GLS: variants seen among roughly 807,000 people sequenced by gnomAD.
GLS encodes glutaminase.
In GLS, 36 loss-of-function variants were observed where a neutral mutation model predicts 86.7. The observed-to-expected ratio is 0.42, with a 90% CI of 0.32 to 0.55. The LOEUF (loss-of-function observed/expected upper bound fraction) is 0.55. Among genes scored for constraint, GLS ranks in the 20% least tolerant of loss-of-function variants. GLS has a pLI of 0.17. For missense variants in GLS, 528 were observed against 833.4 expected (o/e 0.63, Z 4.51); for synonymous variants, 317 against 305.9 (o/e 1.04, Z -0.38).
At chr2:190,891,902 T>C (rs1027212335) in intron 1 of GLS, among the ~76,000 whole-genome samples, 4 of 152,168 alleles carry the variant, frequency 2.6e-5, no homozygotes, top group African/African-American at 9.7e-5. Flanking sequence ...TTTCATCCCT[T>C]TGGTCTGTTT....
At chr2:190,934,889 A>C in intron 14 of GLS, 1 of 979,280 alleles carries the variant, frequency 1.0e-6, no homozygotes, top group Non-Finnish European at 1.2e-6. Context: ...TACTGCGAAT[A>C]GGCCCTCAAA....
chr2:190,888,732 T>C (rs576051045), intron 1 of GLS, among the ~76,000 whole-genome samples: 1 of 152,354 alleles, frequency 6.6e-6, no homozygotes, highest in South Asian at 2.1e-4. Context: ...CATGCCTTGA[T>C]TGGTTCTGCT....
rs1199018268 is a variant in GLS at position 190,954,048 on chromosome 2, T to C, written c.1712+422T>C. Among the ~76,000 whole-genome samples the C allele has an allele frequency of 1.3e-5, 2 of 151,742 alleles. No homozygotes were observed. The highest frequency in any genetic ancestry group is 2.9e-5 in the Non-Finnish European group (2 of 67,946). On this transcript the variant is annotated intron_variant, in intron 15 of 17. Coordinates refer to ENST00000320717, the MANE Select transcript of GLS (RefSeq NM_014905.5). The surrounding 1 kb of genome is among the most constrained non-coding windows in gnomAD (Gnocchi z 4.0). Reference sequence around the variant, plus strand: ...CAGATCATCAGGATTAGTAAGGCCATATACTGCTGTATACCTAAGGTCTTT... The same window carrying C: ...CAGATCATCAGGATTAGTAAGGCCACATACTGCTGTATACCTAAGGTCTTT...
intron 7 of GLS, 101 bp downstream of exon 7, chr2:190,910,422 A>T: frequency 1.6e-6 from 1 of 616,750 alleles, no homozygotes; most frequent in East Asian, 2.9e-5. Context: ...ATTATGAAAA[A>T]TTTTCTCTTG....
chr2:190,905,773 T>TA lies in GLS; in HGVS notation c.979+609dup, dbSNP rs1468989633. Among the ~76,000 whole-genome samples, 2 of 152,138 alleles carry TA rather than the reference T, an allele frequency of 1.3e-5. No individual in the cohort carries two copies. Among genetic ancestry groups the TA allele is most frequent in the Non-Finnish European group, 2.9e-5 (2 of 67,974 alleles). Reference sequence around the variant, plus strand: ...TTTGATCTGATAGAGATTTTAAGTCTAAACATCATTTAGCTGAGTGCAAAC... The same window carrying TA: ...TTTGATCTGATAGAGATTTTAAGTCTAAAACATCATTTAGCTGAGTGCAAAC... On this transcript the variant is annotated intron_variant, in intron 6 of 17. Coordinates refer to ENST00000320717, the MANE Select transcript of GLS (RefSeq NM_014905.5). The surrounding 1 kb of genome is among the most constrained non-coding windows in gnomAD (Gnocchi z 4.6).
At chr2:190,934,654 T>C (rs1690215043) in intron 14 of GLS, 4 of 982,060 alleles carry the variant, frequency 4.1e-6, no homozygotes, top group Non-Finnish European at 4.8e-6. Context: ...CATTCCGAAG[T>C]TGGTTTTACT....
Position 190,935,127 on chromosome 2 carries a change from GA to G in GLS, c.1650+3492del. 1 of 940,020 alleles carries G rather than the reference GA, an allele frequency of 1.1e-6. No individual in the cohort carries two copies. The highest frequency in any genetic ancestry group is 1.3e-6 in the Non-Finnish European group (1 of 789,004). The allele number at this position is 940,020 out of a possible 1,614,324, so 58.2% of individuals were successfully genotyped here. A position where few individuals can be genotyped will look rare whatever the true frequency, so the allele number is the denominator to read the frequency against. On this transcript the variant is annotated intron_variant, in intron 14 of 17. Coordinates refer to ENST00000320717, the MANE Select transcript of GLS (RefSeq NM_014905.5). This position sits in a 1 kb window ranked among gnomAD's most constrained non-coding sequence, Gnocchi z 4.2. ...TTCATTTGAAATGCATATTGTTCTT[GA>G]AGTACTTTGTTTTTAGCATAAATGT...
chr2:190,895,763 A>G lies in GLS; in HGVS notation c.605+38A>G, dbSNP rs982131545. ...GCCAAACCTTTAATGGTGATTTGCT[A>G]TGCTATACGGTGATTCTGCTTTTAA... is the stretch of plus-strand genomic sequence containing the variant. On this transcript the variant is annotated intron_variant, in intron 3 of 17. Transcript: ENST00000320717. This position sits in a 1 kb window ranked among gnomAD's most constrained non-coding sequence, Gnocchi z 4.2. The G allele has an allele frequency of 1.3e-6, 2 of 1,544,250 alleles. No homozygotes were observed. The highest frequency in any genetic ancestry group is 1.2e-5 in the South Asian group (1 of 82,400).
In GLS at chr2:190,944,560, T is replaced by C. The variant is rs186648020; in HGVS notation, c.1651-9005T>C. 4.8e-3 allele frequency among the ~76,000 whole-genome samples: 732 copies of C among 152,340 alleles called. 6 individuals are homozygous for C. The highest frequency in any genetic ancestry group is 7.2e-3 in the Non-Finnish European group (493 of 68,028). On this transcript the variant is annotated intron_variant, in intron 14 of 17. Coordinates refer to ENST00000320717, the MANE Select transcript of GLS (RefSeq NM_014905.5). ...TTGCTATTTTTCTTCTCTTCTGCTT[T>C]CTGGCTTATTGATTAGGAGTGCTGT...
Position 190,902,046 on chromosome 2 carries a change from A to G in GLS, c.815+20A>G. 5 of 1,424,062 alleles carry G rather than the reference A, an allele frequency of 3.5e-6. No homozygotes were observed. Among genetic ancestry groups the G allele is most frequent in the Non-Finnish European group, 5.0e-6 (5 of 1,006,944 alleles). 88.2% of individuals were successfully genotyped at this position (1,424,062 alleles called of 1,614,324 possible). A position where few individuals can be genotyped will look rare whatever the true frequency, so the allele number is the denominator to read the frequency against. On this transcript the variant is annotated intron_variant, in intron 5 of 17. Coordinates refer to ENST00000320717, the MANE Select transcript of GLS (RefSeq NM_014905.5). ...ACAGAGGTAAGTTTATTTCAAATTC[A>G]TGAAAACCAACTCTAAGCCTTAACT...
chr2:190,907,064 A>G (rs956685283), intron 6 of GLS, among the ~76,000 whole-genome samples: 2 of 150,540 alleles, frequency 1.3e-5, no homozygotes, highest in Non-Finnish European at 3.0e-5. Flanking sequence ...AGCTGGGACT[A>G]CAGGCACCCG....
chr2:190,883,378 T>A (rs1444199352), intron 1 of GLS, among the ~76,000 whole-genome samples: 1 of 152,216 alleles, frequency 6.6e-6, no homozygotes, highest in African/African-American at 2.4e-5. Context: ...TCCTTTCTAA[T>A]GCTTAGCCTG....
chr2:190,908,068 A>G (rs945055446), intron 6 of GLS, among the ~76,000 whole-genome samples: 4 of 151,930 alleles, frequency 2.6e-5, no homozygotes, highest in African/African-American at 4.8e-5. Context: ...ATTTTTTCCA[A>G]CCATCCTCAA....
intron 7 of GLS, among the ~76,000 whole-genome samples, chr2:190,912,434 T>C (rs1339907957): frequency 6.8e-6 from 1 of 147,434 alleles, no homozygotes; most frequent in East Asian, 2.1e-4. Context: ...TGCCCCAGAA[T>C]ATGTAATATT....
intron 1 of GLS, among the ~76,000 whole-genome samples, chr2:190,887,511 TA>T (rs1688426626): frequency 6.6e-6 from 1 of 152,112 alleles, no homozygotes; most frequent in South Asian, 2.1e-4. Flanking sequence ...GATTAAGAAA[TA>T]TATTTTTGCC....
intron 14 of GLS, chr2:190,932,748 C>T (rs1485473489): frequency 6.2e-7 from 1 of 1,601,518 alleles, no homozygotes; most frequent in Middle Eastern, 1.7e-4. Flanking sequence ...ATGAAAGTCT[C>T]CAACAAGAAC....
At chr2:190,912,346 C>CTTTTTTT (rs34419675) in intron 7 of GLS, among the ~76,000 whole-genome samples, 10 of 122,488 alleles carry the variant, frequency 8.2e-5, no homozygotes, top group Admixed American at 1.6e-4. Context: ...TTCACAAGTG[C>CTTTTTTT]TTTTTTTTTT....
intron 11 of GLS, among the ~76,000 whole-genome samples, chr2:190,926,743 T>C (rs1460012194): frequency 6.6e-6 from 1 of 152,198 alleles, no homozygotes; most frequent in Non-Finnish European, 1.5e-5. Flanking sequence ...GGTTTAGGCT[T>C]ACAGAGCATC....
At chr2:190,882,888 T>G (rs1688251379) in intron 1 of GLS, among the ~76,000 whole-genome samples, 1 of 152,200 alleles carries the variant, frequency 6.6e-6, no homozygotes, top group South Asian at 2.1e-4. Context: ...GAATGATAAT[T>G]TAATCTCATC....
Sources: gnomAD v4.1 joint callset for allele counts (sites outside exome capture counted in the v4.1 genomes callset) on GRCh38, gnomAD v4.1.1 for gene constraint, Gnocchi (gnomAD v3.1) non-coding constraint, MANE v1.5 for transcripts, NCBI Gene and HGNC (gene_info 2026-07-23, HGNC 2026-07-21) for gene names.